KIF19: variants seen among roughly 807,000 people sequenced by gnomAD.
The protein encoded by KIF19 is kinesin-like protein KIF19.
A neutral mutation model predicts 106.6 loss-of-function variants in KIF19; 98 were observed. The ratio of observed to expected loss-of-function variants is 0.92; its 90% CI spans 0.78 to 1.09. The LOEUF is 1.09. KIF19 is among the 50% of genes least tolerant of loss of function. The probability of loss-of-function intolerance (pLI) is 0.00; values close to 1 mark genes in which losing one functional copy is unlikely to be tolerated. For synonymous variants in KIF19, 516 were observed against 584.2 expected (o/e 0.88, Z 1.68); for missense variants, 1,373 against 1,414.3 (o/e 0.97, Z 0.47).
chr17:74,334,706 A>G (rs560174227), intron 2 of KIF19, among the ~76,000 whole-genome samples: 1 of 152,336 alleles, frequency 6.6e-6, no homozygotes, highest in Non-Finnish European at 1.5e-5. Flanking sequence ...GTTTACAACT[A>G]GAAACATGGC....
chr17:74,352,843 C>G lies in KIF19; in HGVS notation c.2003C>G (p.Thr668Ser), dbSNP rs1201550284. The change falls in exon 15 of 20, where the codon ACC becomes AGC. Residue 668 changes from threonine to serine, a missense_variant. Thr to Ser is a moderately conservative substitution (Grantham distance 58). This residue lies in a region of KIF19 where 1,020 missense variants were observed against 1,008.2 expected (regional missense o/e 1.01). Coordinates refer to ENST00000389916, the MANE Select transcript of KIF19 (RefSeq NM_153209.4). ...CAGGACAGCTCCTTGCCCAAAATTACCCCAGCAGGAACCTCACTGACCCCA... is the reference window on the plus strand; with the variant it reads ...CAGGACAGCTCCTTGCCCAAAATTAGCCCAGCAGGAACCTCACTGACCCCA... ...ALQDSSLPKITPAGTSLTPDS... is the reference protein window; with the variant it reads ...ALQDSSLPKISPAGTSLTPDS... The G allele has an allele frequency of 2.5e-6, 4 of 1,613,856 alleles. No individual in the cohort carries two copies. In the African/African-American group the frequency reaches 5.3e-5, roughly 22 times the overall value.
chr17:74,345,813 G>A (rs569649569), intron 7 of KIF19, among the ~76,000 whole-genome samples: 3 of 152,126 alleles, frequency 2.0e-5, no homozygotes, highest in Non-Finnish European at 4.4e-5. Context: ...AAGGCACACA[G>A]GGGAGAGGCC....
chr17:74,330,410 C>T (rs1324207144), intron 2 of KIF19, among the ~76,000 whole-genome samples: 2 of 152,316 alleles, frequency 1.3e-5, no homozygotes, highest in South Asian at 2.1e-4. Flanking sequence ...CAGTTATCAA[C>T]GTCTGCTAGA....
Position 74,330,009 on chromosome 17 carries a change from G to A in KIF19, c.120+1504G>A, listed in dbSNP as rs2054031490. On this transcript the variant is annotated intron_variant, in intron 2 of 19. Transcript: ENST00000389916. ...TACCTCTGGGCTCCCCAGGGGCAGGGGCCCACTCAAGCCTCTTTCTTCAGC... is the reference window on the plus strand; with the variant it reads ...TACCTCTGGGCTCCCCAGGGGCAGGAGCCCACTCAAGCCTCTTTCTTCAGC... Among the ~76,000 whole-genome samples the A allele has an allele frequency of 2.6e-5, 4 of 152,342 alleles. 1 individual carries two copies. The highest frequency in any genetic ancestry group is 2.6e-4 in the Admixed American group (4 of 15,310).
intron 2 of KIF19, among the ~76,000 whole-genome samples, chr17:74,339,063 T>G (rs1434382133): frequency 6.6e-6 from 1 of 151,874 alleles, no homozygotes; most frequent in Non-Finnish European, 1.5e-5. Context: ...GGACTCAGTT[T>G]ACCTCCTTGG....
chr17:74,354,435 A>G lies in KIF19; in HGVS notation c.2582A>G (p.His861Arg). 1.2e-6 allele frequency: 2 copies of G among 1,611,112 alleles called. No individual in the cohort carries two copies. The highest frequency in any genetic ancestry group is 1.7e-6 in the Non-Finnish European group (2 of 1,179,208). The change falls in exon 18 of 20, where the codon CAT (histidine) becomes CGT (arginine). Residue 861 changes from histidine to arginine, a missense_variant. Physicochemically the swap from His to Arg is conservative, Grantham distance 29 (BLOSUM62 0). Around this residue, in one of 3 missense-constraint regions of KIF19, gnomAD observed 1,020 missense variants for 1,008.2 expected, o/e 1.01. Coordinates refer to ENST00000389916, the MANE Select transcript of KIF19 (RefSeq NM_153209.4). ...GEAPSRAVGH[H>R]GDGPRPWLRG... ...GCCCCGTCCCGGGCAGTCGGACATC[A>G]TGGGGACGGCCCCAGGCCCTGGCTG... is the stretch of plus-strand genomic sequence containing the variant.
chr17:74,353,963 G>A (rs564077836), intron 17 of KIF19, among the ~76,000 whole-genome samples, 199 bp from the exon 18 acceptor site: 1 of 152,292 alleles, frequency 6.6e-6, no homozygotes, highest in South Asian at 2.1e-4. Context: ...AATAACCGAT[G>A]GCATTAGTTT....
intron 2 of KIF19, among the ~76,000 whole-genome samples, chr17:74,339,991 C>T (rs1403410678): frequency 6.6e-6 from 1 of 152,200 alleles, no homozygotes; most frequent in Non-Finnish European, 1.5e-5. Flanking sequence ...CCCCTGCCCT[C>T]TTAACAGCCC....
chr17:74,342,987 C>A (rs572959222), intron 4 of KIF19, 37 bp from the exon 5 acceptor site: 1 of 1,560,948 alleles, frequency 6.4e-7, no homozygotes, highest in Non-Finnish European at 8.7e-7. Context: ...TCCCTCCCAG[C>A]CCCACCCCGG....
chr17:74,349,058 A>G lies in KIF19; in HGVS notation c.1048-126A>G, dbSNP rs563740337. On this transcript the variant is annotated intron_variant, in intron 9 of 19. Coordinates refer to ENST00000389916, the MANE Select transcript of KIF19 (RefSeq NM_153209.4). ...GACAGGAGGTTGTGGAAGTGGAGGA[A>G]AGGAGGCCATTACTGTCACCCAGAA... 555 of 868,506 alleles carry G rather than the reference A, an allele frequency of 6.4e-4. 8 individuals are homozygous for G. The Admixed American group carries it at 0.013, about 20-fold the overall frequency. The allele number at this position is 868,506 out of a possible 1,614,324, so 53.8% of individuals were successfully genotyped here.
At chr17:74,332,207 TGTTTGTGTGTGTGTG>T (rs1567897562) in intron 2 of KIF19, among the ~76,000 whole-genome samples, 12 of 47,018 alleles carry the variant, frequency 2.6e-4, no homozygotes, top group Middle Eastern at 9.4e-3. Context: ...TGTGTGTGTG[TGTTTGTGTGTGTGTG>T]TGTGTGTGTG....
intron 2 of KIF19, among the ~76,000 whole-genome samples, chr17:74,339,415 G>A (rs574378706): frequency 1.1e-4 from 17 of 151,964 alleles, no homozygotes; most frequent in Admixed American, 2.6e-4. Context: ...ATTATGTGCT[G>A]GGAGGAGGGG....
chr17:74,351,219 A>C, intron 12 of KIF19: 1 of 379,684 alleles, frequency 2.6e-6, no homozygotes, highest in Admixed American at 4.0e-5. Context: ...ACAGTGACTC[A>C]CACCTGTAAT....
intron 15 of KIF19, 44 bp downstream of exon 15, chr17:74,352,998 T>C (rs1157898500): frequency 6.2e-7 from 1 of 1,609,920 alleles, no homozygotes; most frequent in Admixed American, 1.7e-5. Flanking sequence ...CTGTGCCCTG[T>C]CCCAGAGAGG....
At chr17:74,351,828 C>T (rs2054709806) in intron 12 of KIF19, 39 bp from the exon 13 acceptor site, 6 of 1,372,428 alleles carry the variant, frequency 4.4e-6, no homozygotes, top group African/African-American at 3.1e-5. Context: ...GATCGGACCC[C>T]TCTCCCCGCT....
rs562183394 is a variant in KIF19, at chr17:74,344,859, C to G, written c.681C>G (p.Thr227=). 3 of 1,612,816 alleles carry G rather than the reference C, an allele frequency of 1.9e-6. No individual in the cohort carries two copies. Among genetic ancestry groups the G allele is most frequent in the Admixed American group, 1.7e-5 (1 of 60,016 alleles). ...GCTCCCACGCGGTACTGCAGGTGAC[C>G]GTGCGCCAGCGCAGCCGGGTCAAGA... is the stretch of plus-strand genomic sequence containing the variant. The part of the protein sequence containing the change: ...SSRSHAVLQV[T]VRQRSRVKNI... The change falls in exon 7 of 20, where the codon ACC becomes ACG. Residue 227 remains threonine (T), a synonymous_variant. Coordinates refer to ENST00000389916, the MANE Select transcript of KIF19 (RefSeq NM_153209.4).
Position 74,354,525 on chromosome 17 carries a change from G to T in KIF19, c.2672G>T (p.Arg891Leu). The T allele has an allele frequency of 6.2e-7, 1 of 1,601,846 alleles. No homozygotes were observed. The highest frequency in any genetic ancestry group is 8.5e-7 in the Non-Finnish European group (1 of 1,175,126). The stretch of plus-strand genomic sequence containing the variant: ...TCGCTGGAGGCAAAGAGAAGGAAGC[G>T]GAGGTCCCGATCCTTCGAGGTCACC... ...EESLEAKRRK[R>L]RSRSFEVTGQ... The change falls in exon 18 of 20, where the codon CGG becomes CTG. Residue 891 changes from arginine (R) to leucine (L), a missense_variant. Coordinates refer to ENST00000389916, the MANE Select transcript of KIF19 (RefSeq NM_153209.4).
chr17:74,349,867 A>G (rs2054646509), intron 10 of KIF19, among the ~76,000 whole-genome samples: 1 of 150,762 alleles, frequency 6.6e-6, no homozygotes, highest in Admixed American at 6.6e-5. Context: ...GGCATGATCT[A>G]GGCTTACTGC....
In KIF19 at chr17:74,351,983, C is replaced by T; in HGVS notation, c.1704C>T (p.Arg568=). Residue 568 remains arginine (R), a synonymous_variant, in exon 13 of 20, where the codon CGC becomes CGT. Transcript: ENST00000389916. The part of the protein sequence containing the change: ...EQREVLSLLC[R]VHELEVENTE... ...GCGAGGTGCTCAGCCTGCTGTGCCGCGTGCACGAGCTCGAGGTGGAGAACA... is the reference window on the plus strand; with the variant it reads ...GCGAGGTGCTCAGCCTGCTGTGCCGTGTGCACGAGCTCGAGGTGGAGAACA... The T allele has an allele frequency of 1.3e-6, 2 of 1,536,924 alleles. No individual in the cohort carries two copies. Among genetic ancestry groups the T allele is most frequent in the Non-Finnish European group, 1.7e-6 (2 of 1,149,490 alleles).
Sources: gnomAD v4.1 joint callset for allele counts (sites outside exome capture counted in the v4.1 genomes callset) on GRCh38, gnomAD v4.1.1 for gene constraint, gnomAD v4.1.1 regional missense constraint, MANE v1.5 for transcripts, NCBI Gene and HGNC (gene_info 2026-07-23, HGNC 2026-07-21) for gene names.